Variants in MTG1 observed in about 807,000 individuals in gnomAD.
MTG1 encodes mitochondrial ribosome associated GTPase 1.
A neutral mutation model predicts 39.5 loss-of-function variants in MTG1; 30 were observed. The ratio of observed to expected loss-of-function variants is 0.76; its 90% CI spans 0.57 to 1.03. The LOEUF (loss-of-function observed/expected upper bound fraction) is 1.03. Among genes scored for constraint, MTG1 ranks in the 50% least tolerant of loss-of-function variants. The pLI, the probability that MTG1 is intolerant of heterozygous loss-of-function variation, is 0.00. For missense variants in MTG1, 513 were observed against 447.4 expected, an observed-to-expected ratio of 1.15 and a Z score of -1.32; for synonymous variants, 217 against 179.0, an observed-to-expected ratio of 1.21 and a Z score of -1.69.
At chr10:133,403,059 T>C (rs567875919) in intron 9 of MTG1, among the ~76,000 whole-genome samples, 22 of 135,102 alleles carry the variant, frequency 1.6e-4, no homozygotes, top group African/African-American at 5.9e-4. Flanking sequence ...TGCTCCTCCT[T>C]CGTGAAATCA....
intron 1 of MTG1, chr10:133,394,687 G>C: frequency 9.0e-7 from 1 of 1,108,494 alleles, no homozygotes; most frequent in Non-Finnish European, 1.1e-6. Context: ...TTCTTGACAA[G>C]ATAGACTTTT....
chr10:133,412,767 A>C (rs1326133107), intron 9 of MTG1, among the ~76,000 whole-genome samples: 5 of 152,226 alleles, frequency 3.3e-5, no homozygotes, highest in Non-Finnish European at 7.3e-5. Flanking sequence ...CCAAAGAATC[A>C]GCTTCTGGTT....
chr10:133,411,780 TTC>T (rs1850050911), intron 9 of MTG1, among the ~76,000 whole-genome samples: 1 of 152,148 alleles, frequency 6.6e-6, no homozygotes, highest in Non-Finnish European at 1.5e-5. Flanking sequence ...CTTCCAGGAT[TTC>T]TGTTTGATTT....
In MTG1 at chr10:133,396,176, G is replaced by C. The variant is rs147934877; in HGVS notation, c.191G>C (p.Gly64Ala). 1.2e-4 allele frequency: 192 copies of C among 1,614,078 alleles called. No homozygotes were observed. In the Middle Eastern group the frequency reaches 1.3e-3, roughly 11 times the overall value. The change falls in exon 3 of 11, where the codon GGC (glycine) becomes GCC (alanine). Residue 64 changes from glycine to alanine, a missense_variant. By Grantham distance (60) the Gly-to-Ala change is moderately conservative. Transcript: ENST00000317502. ...TAATTTTGCCACATCCCACTTTCAG[G>C]CCGCAACCCTCTGTTTCAGGAAACC... Reference protein sequence around the residue: ...EVHDARIPLSGRNPLFQETLG... With the variant: ...EVHDARIPLSARNPLFQETLG...
chr10:133,395,107 G>A (rs1026156593), intron 1 of MTG1, among the ~76,000 whole-genome samples: 15 of 152,164 alleles, frequency 9.9e-5, no homozygotes, highest in Non-Finnish European at 2.1e-4. Flanking sequence ...ATTAAGACCC[G>A]TGGAAGGGCC....
chr10:133,405,466 C>T (rs543626917), intron 9 of MTG1, among the ~76,000 whole-genome samples: 5 of 152,250 alleles, frequency 3.3e-5, no homozygotes, highest in African/African-American at 7.2e-5. Flanking sequence ...GTCACTCTAC[C>T]GAACTATTCA....
intron 10 of MTG1, 89 bp from the exon 11 acceptor site, chr10:133,419,937 G>A: frequency 7.0e-7 from 1 of 1,422,178 alleles, no homozygotes; most frequent in Non-Finnish European, 9.5e-7. Context: ...CCATCATGGA[G>A]CCTCTTAGGG....
Position 133,394,340 on chromosome 10 carries a change from A to G in MTG1, c.112+8A>G. 6.7e-7 allele frequency: 1 copy of G among 1,492,500 alleles called. No homozygotes were observed. 92.5% of individuals were successfully genotyped at this position (1,492,500 alleles called of 1,614,324 possible). ...CGGGCCACATGGCCAAGGGTGAGGCACGGCGGGGAGGGGCAAGGTCATGCC... is the reference window on the plus strand; with the variant it reads ...CGGGCCACATGGCCAAGGGTGAGGCGCGGCGGGGAGGGGCAAGGTCATGCC... On this transcript the variant is annotated splice_region_variant and intron_variant, in intron 1 of 10. Transcript: ENST00000317502.
At chr10:133,415,188 A>G (rs569651394) in intron 9 of MTG1, among the ~76,000 whole-genome samples, 4 of 152,052 alleles carry the variant, frequency 2.6e-5, no homozygotes, top group African/African-American at 7.2e-5. Context: ...GTGGAGAGGG[A>G]GAGGGAGCGG....
intron 6 of MTG1, 112 bp from the exon 7 acceptor site, chr10:133,401,417 A>G (rs775649010): frequency 1.0e-5 from 9 of 863,334 alleles, no homozygotes; most frequent in Non-Finnish European, 1.6e-5. Flanking sequence ...TGTTTGTTAC[A>G]TAGTCTCCCT....
chr10:133,394,485 C>G, intron 1 of MTG1, 153 bp downstream of exon 1: 4 of 1,337,852 alleles, frequency 3.0e-6, no homozygotes, highest in Non-Finnish European at 3.8e-6. Flanking sequence ...CCGCTCTCAC[C>G]CGCTCCCGGA....
intron 9 of MTG1, among the ~76,000 whole-genome samples, chr10:133,417,631 A>G (rs1450693906): frequency 2.0e-5 from 3 of 151,762 alleles, no homozygotes; most frequent in African/African-American, 7.2e-5. Context: ...AGAAAACCCC[A>G]TTGTCTCAGC....
chr10:133,400,975 T>C (rs7079397), intron 6 of MTG1, among the ~76,000 whole-genome samples: 7,018 of 152,350 alleles, frequency 0.046, 513 homozygotes, highest in African/African-American at 0.16. Flanking sequence ...ACATCCTGTC[T>C]TGTCCATTCA....
rs1589921202 is a variant in MTG1, at chr10:133,419,705, G to A, written c.865+113G>A. ...GGAACGTGTCAAGGAGCATGCGCCG[G>A]GTCTTCTGGGAATGGGTTTCAGGGC... On this transcript the variant is annotated intron_variant, in intron 10 of 10. Transcript: ENST00000317502. 4 of 882,634 alleles carry A rather than the reference G, an allele frequency of 4.5e-6. No individual in the cohort carries two copies. In the East Asian group the frequency reaches 1.1e-4, roughly 23 times the overall value. 54.7% of individuals were successfully genotyped at this position (882,634 alleles called of 1,614,324 possible).
At chr10:133,399,358 T>G in intron 5 of MTG1, 132 bp downstream of exon 5, 1 of 1,262,860 alleles carries the variant, frequency 7.9e-7, no homozygotes, top group Non-Finnish European at 1.1e-6. Flanking sequence ...TCTCATTCTC[T>G]TCAGTGGAAA....
intron 1 of MTG1, chr10:133,394,784 A>G: frequency 1.0e-6 from 1 of 967,230 alleles, no homozygotes; most frequent in Non-Finnish European, 1.2e-6. Flanking sequence ...CTCCTGCTTA[A>G]CGTCTTTGGT....
intron 3 of MTG1, among the ~76,000 whole-genome samples, chr10:133,396,955 A>G (rs1849792201): frequency 6.6e-6 from 1 of 152,176 alleles, no homozygotes; most frequent in Admixed American, 6.5e-5. Context: ...CCCGCTACTT[A>G]GCAGACCGGG....
intron 9 of MTG1, among the ~76,000 whole-genome samples, chr10:133,406,672 T>C (rs1849974621): frequency 6.7e-6 from 1 of 148,716 alleles, no homozygotes; most frequent in African/African-American, 2.5e-5. Flanking sequence ...AGTCTTTTTT[T>C]TTTTTTTTTT....
chr10:133,397,428 G>C (rs1353847693), intron 3 of MTG1, among the ~76,000 whole-genome samples: 1 of 142,494 alleles, frequency 7.0e-6, no homozygotes, highest in Non-Finnish European at 1.5e-5. Context: ...TGGTGGTAGT[G>C]GTCCCCCAGG....
Sources: gnomAD v4.1 joint callset for allele counts (sites outside exome capture counted in the v4.1 genomes callset) on GRCh38, gnomAD v4.1.1 for gene constraint, MANE v1.5 for transcripts, NCBI Gene and HGNC (gene_info 2026-07-23, HGNC 2026-07-21) for gene names.